RNF7: variants seen among roughly 807,000 people sequenced by gnomAD.
The protein encoded by RNF7 is ring finger protein 7, also known as RING-box protein 2.
In RNF7, 9 loss-of-function variants were observed where a neutral mutation model predicts 17.0. That is an observed-to-expected ratio of 0.53 (90% confidence interval 0.32 to 0.92). The LOEUF (loss-of-function observed/expected upper bound fraction) is 0.92. RNF7 is among the 40% of genes least tolerant of loss of function. The probability of loss-of-function intolerance (pLI) is 0.04; values close to 1 mark genes in which losing one functional copy is unlikely to be tolerated. For synonymous variants in RNF7, 59 were observed against 50.5 expected (o/e 1.17, Z -0.72); for missense variants, 87 against 145.8 (o/e 0.60, Z 2.08).
At chr3:141,741,577 C>G (rs2084417790) in intron 1 of RNF7, among the ~76,000 whole-genome samples, 2 of 152,334 alleles carry the variant, frequency 1.3e-5, no homozygotes, top group Non-Finnish European at 2.9e-5. Flanking sequence ...AAACTATTTT[C>G]TGTTGGTTCA....
At position 141,738,527 on chromosome 3, in the gene RNF7, C is replaced by A; in HGVS notation, c.175+11C>A. 6.2e-7 allele frequency: 1 copy of A among 1,604,502 alleles called. No individual in the cohort carries two copies. Among genetic ancestry groups the A allele is most frequent in the East Asian group, 2.3e-5 (1 of 44,428 alleles). The stretch of plus-strand genomic sequence containing the variant: ...GGGTCCAGGTGATGGGTAAGCGCTG[C>A]ACGCGAGTCCAGGGCCGCCCTGCGG... On this transcript the variant is annotated intron_variant, in intron 1 of 2. Coordinates refer to ENST00000273480, the MANE Select transcript of RNF7 (RefSeq NM_014245.5).
chr3:141,742,351 C>T (rs934495984), intron 1 of RNF7, among the ~76,000 whole-genome samples: 5 of 151,638 alleles, frequency 3.3e-5, no homozygotes, highest in African/African-American at 1.2e-4. Flanking sequence ...CTCAGCCTCC[C>T]GAGTAGCTGG....
At chr3:141,740,951 G>A (rs1244979958) in intron 1 of RNF7, among the ~76,000 whole-genome samples, 1 of 152,122 alleles carries the variant, frequency 6.6e-6, no homozygotes, top group East Asian at 1.9e-4. Flanking sequence ...ATTCTGATAT[G>A]GATAACACTC....
At chr3:141,742,906 C>T in intron 1 of RNF7, 1 of 1,080,736 alleles carries the variant, frequency 9.3e-7, no homozygotes, top group Non-Finnish European at 1.1e-6. Flanking sequence ...GCTTCTGTGT[C>T]AGTAAGTATG....
intron 2 of RNF7, 21 bp from the exon 3 acceptor site, chr3:141,745,138 T>C (rs753190133): frequency 1.3e-6 from 2 of 1,501,002 alleles, no homozygotes; most frequent in South Asian, 2.3e-5. Context: ...TAATGTCAAC[T>C]CTTCTTTTTC....
At position 141,746,705 on chromosome 3, in the gene RNF7, G is replaced by C. The variant is rs568773802; in HGVS notation, c.*1428G>C. The C allele has an allele frequency of 5.9e-5, 9 of 152,302 alleles. No homozygotes were observed. The South Asian group carries it at 1.9e-3, about 32-fold the overall frequency. The allele number at this position is 152,302 out of a possible 1,614,324, so 9.4% of individuals were successfully genotyped here. A position where few individuals can be genotyped will look rare whatever the true frequency, so the allele number is the denominator to read the frequency against. On this transcript the variant is annotated 3_prime_UTR_variant, in exon 3 of 3. Transcript: ENST00000273480. ...TTAACTTTTCACATCTGCAGATGCA[G>C]TGTGCCATTCTGAATTTTTCAATCT... is the stretch of plus-strand genomic sequence containing the variant.
In RNF7 at chr3:141,741,031, A is replaced by G. The variant is rs542182018; in HGVS notation, c.176-2478A>G. Among the ~76,000 whole-genome samples, 18 of 152,340 alleles carry G rather than the reference A, an allele frequency of 1.2e-4. No homozygotes were observed. The South Asian group carries it at 3.3e-3, about 28-fold the overall frequency. On this transcript the variant is annotated intron_variant, in intron 1 of 2. Coordinates refer to ENST00000273480, the MANE Select transcript of RNF7 (RefSeq NM_014245.5). ...TTACACAGTGAGCAAGTGCTGATGAAAAGGGGAATAGGTTTGCTAGTACAG... is the reference window on the plus strand; with the variant it reads ...TTACACAGTGAGCAAGTGCTGATGAGAAGGGGAATAGGTTTGCTAGTACAG...
intron 1 of RNF7, chr3:141,742,807 A>G (rs1211944981): frequency 8.3e-7 from 1 of 1,207,008 alleles, no homozygotes; most frequent in Non-Finnish European, 1.0e-6. Flanking sequence ...AACCTATTGG[A>G]AGCATACAAA....
At position 141,739,160 on chromosome 3, in the gene RNF7, G is replaced by A. The variant is rs370181958; in HGVS notation, c.175+644G>A. Among the ~76,000 whole-genome samples the A allele has an allele frequency of 8.0e-4, 122 of 152,320 alleles. 2 individuals are homozygous for A. The South Asian group carries it at 0.024, about 30-fold the overall frequency. On this transcript the variant is annotated intron_variant, in intron 1 of 2. Transcript: ENST00000273480. The stretch of plus-strand genomic sequence containing the variant: ...GCACTAGCGTGGCTTGAAGGGAACA[G>A]TGTGGTTCAAGAATATCTAAGTTTC...
At chr3:141,743,673 T>A in intron 2 of RNF7, 117 bp downstream of exon 2, 1 of 687,206 alleles carries the variant, frequency 1.5e-6, no homozygotes, top group Non-Finnish European at 2.4e-6. Flanking sequence ...TGTAAAGCAG[T>A]GATCCATTGT....
Position 141,746,717 on chromosome 3 carries a change from G to C in RNF7, c.*1440G>C, listed in dbSNP as rs990334041. On this transcript the variant is annotated 3_prime_UTR_variant, in exon 3 of 3. Transcript: ENST00000273480. ...ATCTGCAGATGCAGTGTGCCATTCT[G>C]AATTTTTCAATCTAAGGGATGTGGA... 7 of 152,138 alleles carry C rather than the reference G, an allele frequency of 4.6e-5. No homozygotes were observed. Among genetic ancestry groups the C allele is most frequent in the Admixed American group, 4.6e-4 (7 of 15,274 alleles). 9.4% of individuals were successfully genotyped at this position (152,138 alleles called of 1,614,324 possible). A position where few individuals can be genotyped will look rare whatever the true frequency, so the allele number is the denominator to read the frequency against.
At chr3:141,739,745 T>C (rs1213870236) in intron 1 of RNF7, among the ~76,000 whole-genome samples, 1 of 152,240 alleles carries the variant, frequency 6.6e-6, no homozygotes, top group Admixed American at 6.5e-5. Flanking sequence ...GATTCAGATA[T>C]TTTTATCTTT....
At chr3:141,744,382 CTTTCA>C (rs2084451773) in intron 2 of RNF7, among the ~76,000 whole-genome samples, 2 of 151,020 alleles carry the variant, frequency 1.3e-5, no homozygotes, top group African/African-American at 4.9e-5. Flanking sequence ...TGCCTTATTT[CTTTCA>C]TTTAATCTTT....
At chr3:141,738,607 G>A (rs968214626) in intron 1 of RNF7, 91 bp downstream of exon 1, 11 of 1,346,356 alleles carry the variant, frequency 8.2e-6, no homozygotes, top group Middle Eastern at 2.7e-4. Context: ...CAGAAGCCTC[G>A]GAAAGTGCCC....
At chr3:141,741,545 A>G (rs190196951) in intron 1 of RNF7, among the ~76,000 whole-genome samples, 104 of 152,242 alleles carry the variant, frequency 6.8e-4, no homozygotes, top group African/African-American at 2.4e-3. Flanking sequence ...TTACAGAATT[A>G]TTTTTCTCCT....
At chr3:141,745,094 A>G (rs2084458160) in intron 2 of RNF7, 65 bp from the exon 3 acceptor site, 4 of 964,736 alleles carry the variant, frequency 4.1e-6, no homozygotes, top group Non-Finnish European at 4.8e-6. Flanking sequence ...AAAATAAGCT[A>G]TAATTTTGAG....
chr3:141,746,586 G>A lies in RNF7; in HGVS notation c.*1309G>A, dbSNP rs1389799471. On this transcript the variant is annotated 3_prime_UTR_variant, in exon 3 of 3. Transcript: ENST00000273480. ...ATCAAACTGATTCACACTGAGGGGA[G>A]GTTATTTTGTAACAAATAATGGACC... 1 of 152,106 alleles carries A rather than the reference G, an allele frequency of 6.6e-6. No homozygotes were observed. The highest frequency in any genetic ancestry group is 1.5e-5 in the Non-Finnish European group (1 of 68,022). The allele number at this position is 152,106 out of a possible 1,614,324, so 9.4% of individuals were successfully genotyped here.
Position 141,747,009 on chromosome 3 carries a change from G to A in RNF7, c.*1732G>A, listed in dbSNP as rs574722384. 1 of 152,320 alleles carries A rather than the reference G, an allele frequency of 6.6e-6. No homozygotes were observed. The highest frequency in any genetic ancestry group is 1.9e-4 in the East Asian group (1 of 5,192). The allele number at this position is 152,320 out of a possible 1,614,324, so 9.4% of individuals were successfully genotyped here. ...AAATGTGAACCAGATACATGGCTTT[G>A]CATTGAAGAGGAAAGCAGTAGAATG... On this transcript the variant is annotated 3_prime_UTR_variant, in exon 3 of 3. Coordinates refer to ENST00000273480, the MANE Select transcript of RNF7 (RefSeq NM_014245.5).
At chr3:141,744,456 A>C (rs16851720) in intron 2 of RNF7, among the ~76,000 whole-genome samples, 31,890 of 151,920 alleles carry the variant, frequency 0.21, 3,571 homozygotes, top group African/African-American at 0.27. Context: ...CAAATTCGAG[A>C]TTGCATTCTA....
Sources: gnomAD v4.1 joint callset for allele counts (sites outside exome capture counted in the v4.1 genomes callset) on GRCh38, gnomAD v4.1.1 for gene constraint, MANE v1.5 for transcripts, NCBI Gene and HGNC (gene_info 2026-07-23, HGNC 2026-07-21) for gene names.